Variants in UBXN11 observed in about 807,000 individuals in gnomAD.
UBXN11 encodes UBX domain-containing protein 11.
UBXN11 carries 47 observed loss-of-function variants against 62.8 expected under a neutral mutation model. That is an observed-to-expected ratio of 0.75 (90% CI 0.59 to 0.95). The LOEUF (loss-of-function observed/expected upper bound fraction) is 0.95, where lower values mean the gene tolerates loss of function less well. UBXN11 is among the 40% of genes least tolerant of loss of function. UBXN11 has a pLI of 0.00. For missense variants in UBXN11, 638 were observed against 661.7 expected (o/e 0.96, Z 0.39); for synonymous variants, 294 against 267.0 (o/e 1.10, Z -0.99).
chr1:26,295,264 A>G (rs895715489), intron 7 of UBXN11, among the ~76,000 whole-genome samples: 1 of 151,806 alleles, frequency 6.6e-6, no homozygotes, highest in South Asian at 2.1e-4. Context: ...GCCCCCTCCA[A>G]TGCAGCCTGG....
intron 4 of UBXN11, among the ~76,000 whole-genome samples, chr1:26,300,419 T>C (rs929578067): frequency 9.2e-5 from 14 of 152,182 alleles, no homozygotes; most frequent in Non-Finnish European, 1.3e-4. Flanking sequence ...CGCCCAGCAC[T>C]CTGCAGGGCT....
intron 1 of UBXN11, among the ~76,000 whole-genome samples, chr1:26,313,351 G>A (rs1407726089): frequency 3.8e-4 from 58 of 152,118 alleles, no homozygotes; most frequent in Admixed American, 3.8e-3. Flanking sequence ...TGTTCTGCAG[G>A]TCTCAGCACA....
chr1:26,313,773 A>ATTT (rs776997209), intron 1 of UBXN11, among the ~76,000 whole-genome samples: 3 of 130,092 alleles, frequency 2.3e-5, no homozygotes, highest in Non-Finnish European at 4.9e-5. Context: ...CTTTACTATA[A>ATTT]TTTTTTTTCT....
At position 26,297,407 on chromosome 1, in the gene UBXN11, G is replaced by C. The variant is rs745806975; in HGVS notation, c.355+20C>G. The C allele has an allele frequency of 8.5e-6, 13 of 1,527,306 alleles. No individual in the cohort carries two copies. The highest frequency in any genetic ancestry group is 1.1e-5 in the Non-Finnish European group (13 of 1,137,430). The allele number at this position is 1,527,306 out of a possible 1,614,324, so 94.6% of individuals were successfully genotyped here. A position where few individuals can be genotyped will look rare whatever the true frequency, so the allele number is the denominator to read the frequency against. ...GGTGCCTGACTGGGGGCGCAGGTCA[G>C]CCCTCCAAGAGCCCCCTACCTGGGT... On this transcript the variant is annotated intron_variant, in intron 6 of 14. Coordinates refer to ENST00000374222, the MANE Select transcript of UBXN11 (RefSeq NM_001389556.1).
intron 1 of UBXN11, among the ~76,000 whole-genome samples, chr1:26,312,051 G>A (rs904571796): frequency 7.9e-5 from 12 of 151,956 alleles, no homozygotes; most frequent in Admixed American, 5.3e-4. Flanking sequence ...TCCAGAAACC[G>A]TCATGTTCTC....
chr1:26,302,778 C>G (rs748045923), intron 2 of UBXN11, 35 bp downstream of exon 2: 1 of 1,589,432 alleles, frequency 6.3e-7, no homozygotes, highest in African/African-American at 1.3e-5. Context: ...GATACAGAGG[C>G]GGGGACAGAA....
chr1:26,309,390 C>T (rs936170000), upstream of UBXN11, among the ~76,000 whole-genome samples: 4 of 151,500 alleles, frequency 2.6e-5, no homozygotes, highest in African/African-American at 9.7e-5. Flanking sequence ...CAGGCAAGTG[C>T]CACCACCCCC....
At chr1:26,317,447 A>C (rs2073808947) in intron 1 of UBXN11, among the ~76,000 whole-genome samples, 1 of 152,176 alleles carries the variant, frequency 6.6e-6, no homozygotes, top group South Asian at 2.1e-4. Context: ...GCTTTCATTC[A>C]GAACCTGCAG....
chr1:26,301,013 C>A lies in UBXN11; in HGVS notation c.112G>T (p.Asp38Tyr). The change falls in exon 4 of 15, where the codon GAC (aspartate) becomes TAC (tyrosine). Residue 38 changes from aspartate to tyrosine, a missense_variant. Coordinates refer to ENST00000374222, the MANE Select transcript of UBXN11 (RefSeq NM_001389556.1). ...IRIYGDEDEVDMLSDGCGSEE... is the reference protein window; with the variant it reads ...IRIYGDEDEVYMLSDGCGSEE... ...GAGCCACACCCATCACTCAACATGT[C>A]CACCTCATCTTCTGCAGACAGGGAT... The A allele has an allele frequency of 1.2e-6, 2 of 1,614,252 alleles. No individual in the cohort carries two copies. The highest frequency in any genetic ancestry group is 1.7e-6 in the Non-Finnish European group (2 of 1,180,028).
At chr1:26,295,290 C>T (rs527864876) in intron 7 of UBXN11, among the ~76,000 whole-genome samples, 35 of 152,228 alleles carry the variant, frequency 2.3e-4, no homozygotes, top group Non-Finnish European at 4.3e-4. Flanking sequence ...ATCCACTGGG[C>T]TCCATCTGCT....
At chr1:26,291,278 AGGAACG>A (rs1207566548) in intron 8 of UBXN11, among the ~76,000 whole-genome samples, 1 of 152,168 alleles carries the variant, frequency 6.6e-6, no homozygotes, top group African/African-American at 2.4e-5. Context: ...CTGGGGAGAG[AGGAACG>A]GGGACGCCGG....
intron 1 of UBXN11, among the ~76,000 whole-genome samples, chr1:26,303,975 T>G (rs2073601657): frequency 6.6e-6 from 1 of 152,176 alleles, no homozygotes; most frequent in East Asian, 1.9e-4. Context: ...TACTACTCTA[T>G]TCAGTAAATG....
chr1:26,313,307 T>G (rs2073761648), intron 1 of UBXN11, among the ~76,000 whole-genome samples: 1 of 152,216 alleles, frequency 6.6e-6, no homozygotes. Context: ...GATGGAATTG[T>G]GATCTAAGGT....
In UBXN11 at chr1:26,297,473, C is replaced by A. The variant is rs1475011779; in HGVS notation, c.309G>T (p.Lys103Asn). 1 of 1,556,306 alleles carries A rather than the reference C, an allele frequency of 6.4e-7. No individual in the cohort carries two copies. Among genetic ancestry groups the A allele is most frequent in the East Asian group, 2.4e-5 (1 of 41,258 alleles). ...QTDEILSKDQ[K>N]IAALEDLVQT... ...GCACCAGGTCCTCTAGGGCCGCTAT[C>A]TTCTGATCCTGTAGCATAAGACACA... The change falls in exon 6 of 15, where the codon AAG (lysine) becomes AAT (asparagine). Residue 103 changes from lysine (K) to asparagine (N), a missense_variant. Transcript: ENST00000374222.
At chr1:26,302,362 T>TAAAAAAAAAAAAAAAA (rs56003085) in intron 2 of UBXN11, among the ~76,000 whole-genome samples, 1 of 69,530 alleles carries the variant, frequency 1.4e-5, no homozygotes, top group African/African-American at 5.7e-5. Flanking sequence ...ACTTGGTCTT[T>TAAAAAAAAAAAAAAAA]AAAAAAAAAA....
At chr1:26,297,123 T>G in intron 6 of UBXN11, 128 bp from the exon 7 acceptor site, 1 of 1,111,150 alleles carries the variant, frequency 9.0e-7, no homozygotes, top group Non-Finnish European at 1.3e-6. Context: ...GCCCCCCACC[T>G]CTCTGGCCTC....
At chr1:26,315,495 G>A (rs987616745) in intron 1 of UBXN11, among the ~76,000 whole-genome samples, 1 of 152,204 alleles carries the variant, frequency 6.6e-6, no homozygotes, top group Admixed American at 6.5e-5. Context: ...AAAGACAGCT[G>A]AGAACTTGAG....
At chr1:26,303,797 A>T (rs1186852313) in intron 1 of UBXN11, among the ~76,000 whole-genome samples, 2 of 152,064 alleles carry the variant, frequency 1.3e-5, no homozygotes, top group Non-Finnish European at 2.9e-5. Context: ...GATAACAGAG[A>T]AGGTCTAGCC....
At chr1:26,304,792 C>T (rs1221618062) in intron 1 of UBXN11, among the ~76,000 whole-genome samples, 1 of 151,966 alleles carries the variant, frequency 6.6e-6, no homozygotes, top group Non-Finnish European at 1.5e-5. Flanking sequence ...GTGACCTGGT[C>T]CCTGCTTATG....
Sources: gnomAD v4.1 joint callset for allele counts (sites outside exome capture counted in the v4.1 genomes callset) on GRCh38, gnomAD v4.1.1 for gene constraint, MANE v1.5 for transcripts, NCBI Gene and HGNC (gene_info 2026-07-23, HGNC 2026-07-21) for gene names.